Variants in SGCZ observed in about 807,000 individuals in gnomAD.
SGCZ encodes zeta-sarcoglycan.
SGCZ carries 40 observed loss-of-function variants against 41.3 expected under a neutral mutation model. The ratio of observed to expected loss-of-function variants is 0.97; its 90% CI spans 0.75 to 1.26. The LOEUF (loss-of-function observed/expected upper bound fraction) is 1.26, where lower values mean the gene tolerates loss of function less well. Ranked by LOEUF, SGCZ falls within the 50% of genes most tolerant of loss-of-function variation. The pLI is 0.00. For synonymous variants in SGCZ, 206 were observed against 137.5 expected (o/e 1.50, Z -3.49); for missense variants, 552 against 369.8 (o/e 1.49, Z -4.04).
chr8:15,230,064 A>C (rs371918025), intron 1 of SGCZ, among the ~76,000 whole-genome samples: 1 of 152,274 alleles, frequency 6.6e-6, no homozygotes, highest in African/African-American at 2.4e-5. Context: ...CGGAATGTGC[A>C]TGAAGAGATG....
At chr8:15,098,406 C>T (rs1434177975) in intron 1 of SGCZ, among the ~76,000 whole-genome samples, 2 of 152,208 alleles carry the variant, frequency 1.3e-5, no homozygotes, top group African/African-American at 4.8e-5. Context: ...ATATCCCAGA[C>T]CCAAACAAAT....
chr8:14,934,654 A>C (rs1800026230), intron 1 of SGCZ, among the ~76,000 whole-genome samples: 1 of 151,786 alleles, frequency 6.6e-6, no homozygotes, highest in Non-Finnish European at 1.5e-5. Context: ...ATTAAGACAG[A>C]ATGAGGGAAA....
intron 3 of SGCZ, among the ~76,000 whole-genome samples, chr8:14,311,526 C>A (rs1801543564): frequency 6.6e-6 from 1 of 152,110 alleles, no homozygotes. Context: ...CTTTTTGGAT[C>A]ACATAATCTC....
intron 3 of SGCZ, among the ~76,000 whole-genome samples, chr8:14,246,340 G>T (rs139541294): frequency 1.3e-5 from 2 of 151,654 alleles, no homozygotes; most frequent in Admixed American, 6.6e-5. Context: ...GTAAACTATC[G>T]CAAGGACAAA....
intron 2 of SGCZ, among the ~76,000 whole-genome samples, chr8:14,404,992 G>T (rs973298): frequency 6.6e-6 from 1 of 152,020 alleles, no homozygotes; most frequent in African/African-American, 2.4e-5. Context: ...CCTGTCCTTC[G>T]TGATTGCACA....
At chr8:14,705,926 G>A (rs1360131126) in intron 1 of SGCZ, among the ~76,000 whole-genome samples, 1 of 151,932 alleles carries the variant, frequency 6.6e-6, no homozygotes, top group Non-Finnish European at 1.5e-5. Context: ...AGTTGTATAA[G>A]GATAGGGATT....
At chr8:14,818,809 G>T (rs913087839) in intron 1 of SGCZ, among the ~76,000 whole-genome samples, 2 of 151,920 alleles carry the variant, frequency 1.3e-5, no homozygotes, top group African/African-American at 4.8e-5. Context: ...TTCAAGAACA[G>T]ATTAGATCAA....
chr8:14,308,497 G>A (rs1801418537), intron 3 of SGCZ, among the ~76,000 whole-genome samples: 1 of 151,946 alleles, frequency 6.6e-6, no homozygotes, highest in Non-Finnish European at 1.5e-5. Flanking sequence ...CTTCAATGCA[G>A]GGTACCAAGG....
chr8:14,462,868 A>T (rs58955640), intron 2 of SGCZ, among the ~76,000 whole-genome samples: 2,058 of 141,468 alleles, frequency 0.015, 28 homozygotes, highest in East Asian at 0.083. Flanking sequence ...ATGTCTTTTA[A>T]GAATTTTTTT....
intron 1 of SGCZ, among the ~76,000 whole-genome samples, chr8:15,117,851 A>C (rs1258942906): frequency 1.3e-5 from 2 of 152,234 alleles, no homozygotes; most frequent in African/African-American, 4.8e-5. Flanking sequence ...ATCTCCACGT[A>C]TTCAAACAAA....
intron 1 of SGCZ, among the ~76,000 whole-genome samples, chr8:14,984,659 G>C (rs771709986): frequency 1.3e-5 from 2 of 152,006 alleles, no homozygotes; most frequent in Admixed American, 6.6e-5. Flanking sequence ...TTATATTCAG[G>C]CATGATTTTC....
chr8:14,686,271 C>A lies in SGCZ; in HGVS notation c.40-131345G>T, dbSNP rs140697265. 6.4e-3 allele frequency among the ~76,000 whole-genome samples: 969 copies of A among 152,026 alleles called. 10 individuals carry two copies. Among genetic ancestry groups the A allele is most frequent in the Middle Eastern group, 0.031 (9 of 294 alleles). ...GAAAGGATATCCAAATGAATAATTG[C>A]TGTAATATGTTGTAAGCACTAAATT... On this transcript the variant is annotated intron_variant, in intron 1 of 7. Transcript: ENST00000382080.
intron 1 of SGCZ, among the ~76,000 whole-genome samples, chr8:15,024,896 A>G (rs1803393518): frequency 6.6e-6 from 1 of 151,882 alleles, no homozygotes; most frequent in Admixed American, 6.6e-5. Context: ...AGATGGCGCC[A>G]CTGCACTCCA....
intron 1 of SGCZ, among the ~76,000 whole-genome samples, chr8:14,604,447 C>T (rs962792655): frequency 6.6e-6 from 1 of 152,008 alleles, no homozygotes; most frequent in Non-Finnish European, 1.5e-5. Context: ...TGCACTAGAG[C>T]TTGAAATATG....
At chr8:14,525,870 T>C (rs943725585) in intron 2 of SGCZ, among the ~76,000 whole-genome samples, 5 of 152,074 alleles carry the variant, frequency 3.3e-5, no homozygotes, top group African/African-American at 1.2e-4. Flanking sequence ...GGGGCATCAT[T>C]ATTCACAGAA....
At chr8:14,180,876 G>C (rs1365257809) in intron 4 of SGCZ, among the ~76,000 whole-genome samples, 1 of 151,740 alleles carries the variant, frequency 6.6e-6, no homozygotes. Flanking sequence ...ATACTAGATT[G>C]GTTTTACGGC....
chr8:14,744,714 T>G (rs1510459), intron 1 of SGCZ, among the ~76,000 whole-genome samples: 2 of 152,230 alleles, frequency 1.3e-5, no homozygotes, highest in Admixed American at 1.3e-4. Flanking sequence ...GGGAATCTGA[T>G]TTCCCTGGTT....
At chr8:14,419,876 T>C (rs1405276876) in intron 2 of SGCZ, among the ~76,000 whole-genome samples, 1 of 152,032 alleles carries the variant, frequency 6.6e-6, no homozygotes, top group South Asian at 2.1e-4. Flanking sequence ...ATGCCGAAAT[T>C]ATTAGCGTTT....
chr8:14,835,265 A>G (rs531786110), intron 1 of SGCZ, among the ~76,000 whole-genome samples: 33 of 152,290 alleles, frequency 2.2e-4, no homozygotes, highest in Admixed American at 1.6e-3. Flanking sequence ...TTCATCTGTC[A>G]TTTGCGAACT....
Sources: allele counts gnomAD v4.1 joint callset (sites outside exome capture counted in the v4.1 genomes callset), GRCh38; gene constraint gnomAD v4.1.1; transcripts MANE v1.5; gene names NCBI Gene and HGNC (gene_info 2026-07-23, HGNC 2026-07-21).